Variants in NEXMIF observed in about 807,000 individuals in gnomAD.
NEXMIF encodes neurite extension and migration factor.
Under a neutral mutation model 62.1 loss-of-function variants are expected in NEXMIF, and 8 were observed. The ratio of observed to expected loss-of-function variants is 0.13; its 90% CI spans 0.08 to 0.23. The LOEUF is 0.23. Among genes scored for constraint, NEXMIF ranks in the 10% least tolerant of loss-of-function variants. The pLI, the probability that NEXMIF is intolerant of heterozygous loss-of-function variation, is 1.00. For missense variants in NEXMIF, 976 were observed against 1,113.3 expected (o/e 0.88, Z 1.75); for synonymous variants, 404 against 416.6 (o/e 0.97, Z 0.37).
At chrX:74,764,055 AG>A (rs1345791860) in intron 1 of NEXMIF, among the ~76,000 whole-genome samples, 1 of 111,567 alleles carries the variant, frequency 9.0e-6, no homozygotes, top group Non-Finnish European at 1.9e-5. Context: ...CCGTTTTCAA[AG>A]GGAATGCTTC....
At chrX:74,866,552 G>A (rs957039238) in intron 1 of NEXMIF, among the ~76,000 whole-genome samples, 1 of 112,174 alleles carries the variant, frequency 8.9e-6, no homozygotes, top group Non-Finnish European at 1.9e-5. Context: ...CATGAGATTT[G>A]GAAGGGGCCA....
At chrX:74,904,488 G>A (rs2080760057) in intron 1 of NEXMIF, among the ~76,000 whole-genome samples, 1 of 111,423 alleles carries the variant, frequency 9.0e-6, no homozygotes, top group African/African-American at 3.3e-5. Context: ...TGAAAAAGAT[G>A]TGCATTATGA....
At chrX:74,740,019 GA>G in intron 3 of NEXMIF, 80 bp downstream of exon 3, 1 of 949,898 alleles carries the variant, frequency 1.1e-6, no homozygotes, top group Non-Finnish European at 1.4e-6. Context: ...TTTCAAGAGG[GA>G]AAAAATGAGG....
chrX:74,744,949 C>CTCTCTCT (rs763750920), intron 2 of NEXMIF, among the ~76,000 whole-genome samples: 12 of 64,622 alleles, frequency 1.9e-4, no homozygotes, highest in African/African-American at 4.5e-4. Context: ...CTCTCTCTCT[C>CTCTCTCT]TTCTCTCTCC....
At chrX:74,877,879 A>G (rs1038949289) in intron 1 of NEXMIF, among the ~76,000 whole-genome samples, 2 of 111,309 alleles carry the variant, frequency 1.8e-5, no homozygotes, top group Non-Finnish European at 3.8e-5. Flanking sequence ...GGTTATTCTA[A>G]TTATACATTC....
chrX:74,889,258 G>A (rs1368156030), intron 1 of NEXMIF, among the ~76,000 whole-genome samples: 1 of 111,093 alleles, frequency 9.0e-6, no homozygotes, highest in East Asian at 2.8e-4. Flanking sequence ...TGCTTTGAAA[G>A]TGAAAACCAC....
chrX:74,792,131 T>A (rs1349763905), intron 1 of NEXMIF, among the ~76,000 whole-genome samples: 2 of 110,301 alleles, frequency 1.8e-5, no homozygotes, highest in Non-Finnish European at 3.8e-5. Flanking sequence ...AATTTCCCCC[T>A]ACACACTGCT....
At chrX:74,839,121 C>T (rs1039855959) in intron 1 of NEXMIF, among the ~76,000 whole-genome samples, 10 of 111,879 alleles carry the variant, frequency 8.9e-5, no homozygotes, top group Admixed American at 4.8e-4. Context: ...TCTTCTCGCA[C>T]CTTGTACCAC....
At chrX:74,844,016 A>T (rs867017291) in intron 1 of NEXMIF, among the ~76,000 whole-genome samples, 11 of 111,897 alleles carry the variant, frequency 9.8e-5, no homozygotes, top group South Asian at 7.5e-4. Context: ...TCTGAAAAGG[A>T]TCTTATTTCT....
At chrX:74,817,730 C>A (rs1221761843) in intron 1 of NEXMIF, among the ~76,000 whole-genome samples, 1 of 111,495 alleles carries the variant, frequency 9.0e-6, no homozygotes, top group Non-Finnish European at 1.9e-5. Context: ...CTTCTCTTCT[C>A]TGGGATAAAC....
At chrX:74,805,250 T>C (rs1033660429) in intron 1 of NEXMIF, among the ~76,000 whole-genome samples, 1 of 112,162 alleles carries the variant, frequency 8.9e-6, no homozygotes, top group Non-Finnish European at 1.9e-5. Flanking sequence ...GTGCTTTGTG[T>C]GTGTGTGTAC....
At chrX:74,782,851 A>G (rs2080250819) in intron 1 of NEXMIF, among the ~76,000 whole-genome samples, 2 of 112,128 alleles carry the variant, frequency 1.8e-5, no homozygotes, top group Admixed American at 1.9e-4. Context: ...AGTGTGGTGG[A>G]GAATTTAAGA....
chrX:74,919,486 C>G (rs2080818795), intron 1 of NEXMIF, among the ~76,000 whole-genome samples: 1 of 111,519 alleles, frequency 9.0e-6, no homozygotes, highest in Non-Finnish European at 1.9e-5. Context: ...CTTTTCCAAA[C>G]TGGGACATTT....
chrX:74,762,598 T>C (rs2080180511), intron 1 of NEXMIF, among the ~76,000 whole-genome samples: 1 of 111,877 alleles, frequency 8.9e-6, no homozygotes, highest in Non-Finnish European at 1.9e-5. Flanking sequence ...AAAGCATTCC[T>C]ATTTCTCCAC....
At chrX:74,765,208 T>C (rs2080191223) in intron 1 of NEXMIF, among the ~76,000 whole-genome samples, 2 of 112,016 alleles carry the variant, frequency 1.8e-5, no homozygotes, top group Admixed American at 1.9e-4. Context: ...AAAGTCTGTG[T>C]TGGTTTAAAG....
At chrX:74,767,213 A>T (rs1432895625) in intron 1 of NEXMIF, among the ~76,000 whole-genome samples, 1 of 112,438 alleles carries the variant, frequency 8.9e-6, no homozygotes, top group Non-Finnish European at 1.9e-5. Flanking sequence ...TCACCCAGTG[A>T]GGAAATATAG....
At chrX:74,886,941 C>T (rs2080696623) in intron 1 of NEXMIF, among the ~76,000 whole-genome samples, 1 of 110,076 alleles carries the variant, frequency 9.1e-6, no homozygotes, top group African/African-American at 3.4e-5. Flanking sequence ...GGTACTGGTA[C>T]CAAAACAGAG....
At chrX:74,902,734 C>T (rs945552617) in intron 1 of NEXMIF, among the ~76,000 whole-genome samples, 1 of 112,066 alleles carries the variant, frequency 8.9e-6, no homozygotes, top group African/African-American at 3.2e-5. Flanking sequence ...CTCGCTTACC[C>T]CTTTCACCCA....
rs888043479 is a variant in NEXMIF at position 74,734,096 on chromosome X, GA to G, written c.*5308del. 10 of 108,396 alleles carry G rather than the reference GA, an allele frequency of 9.2e-5. No homozygotes were observed. The highest frequency in any genetic ancestry group is 2.9e-4 in the East Asian group (1 of 3,483). The allele number at this position is 108,396 out of a possible 1,213,427, so 8.9% of individuals were successfully genotyped here. A position where few individuals can be genotyped will look rare whatever the true frequency, so the allele number is the denominator to read the frequency against. ...TTATTTATAAAGCTTAACTCTAAAA[GA>G]AAAAAAAAGGCAAATAATTTCCTAA... is the stretch of plus-strand genomic sequence containing the variant. On this transcript the variant is annotated 3_prime_UTR_variant, in exon 4 of 4. Coordinates refer to ENST00000055682, the MANE Select transcript of NEXMIF (RefSeq NM_001008537.3).
Sources: allele counts gnomAD v4.1 joint callset (sites outside exome capture counted in the v4.1 genomes callset), GRCh38; gene constraint gnomAD v4.1.1; transcripts MANE v1.5; gene names NCBI Gene and HGNC (gene_info 2026-07-23, HGNC 2026-07-21).